The following VPS53 variants were observed in gnomAD, a reference collection of about 807,000 sequenced individuals.
VPS53 encodes the protein VPS53 subunit of GARP complex, also known as vacuolar protein sorting-associated protein 53 homolog.
A neutral mutation model predicts 107.0 loss-of-function variants in VPS53; 70 were observed. The observed-to-expected ratio is 0.65, with a 90% CI of 0.54 to 0.80. The LOEUF is 0.80. Ranked by LOEUF, VPS53 falls within the 30% of genes least tolerant of loss-of-function variation. VPS53 has a pLI of 0.00. For synonymous variants in VPS53, 409 were observed against 393.3 expected, an observed-to-expected ratio of 1.04 and a Z score of -0.47; for missense variants, 917 against 1,049.4, an observed-to-expected ratio of 0.87 and a Z score of 1.74.
rs71145747 is a variant in VPS53 at position 531,773 on chromosome 17, CTTTTTTTTTTTT to C, written c.2085+1057_2085+1068del. Among the ~76,000 whole-genome samples the C allele has an allele frequency of 5.8e-5, 5 of 86,676 alleles. 1 individual carries two copies. The highest frequency in any genetic ancestry group is 2.5e-4 in the African/African-American group (5 of 19,878). The allele number at this position is 86,676 out of a possible 152,430, so 56.9% of individuals were successfully genotyped here. A position where few individuals can be genotyped will look rare whatever the true frequency, so the allele number is the denominator to read the frequency against. On this transcript the variant is annotated intron_variant, in intron 19 of 21. Transcript: ENST00000437048. ...CAGCCTCCCATCACTGGGATTTATT[CTTTTTTTTTTTT>C]TTTTTTTTTGAGATGGAGTCTCACT... is the stretch of plus-strand genomic sequence containing the variant.
chr17:645,995 C>T (rs1278512659), intron 7 of VPS53, among the ~76,000 whole-genome samples: 2 of 134,528 alleles, frequency 1.5e-5, no homozygotes, highest in Non-Finnish European at 3.3e-5. Context: ...CTTATCTTTT[C>T]TAATCCATAT....
intron 17 of VPS53, chr17:537,421 C>T: frequency 2.3e-6 from 1 of 438,464 alleles, no homozygotes; most frequent in Non-Finnish European, 4.1e-6. Flanking sequence ...TGCCTTGTCC[C>T]CGACCTGCCT....
In VPS53 at chr17:520,802, C is replaced by T. The variant is rs552690217; in HGVS notation, c.2223+799G>A. Among the ~76,000 whole-genome samples the T allele has an allele frequency of 6.6e-6, 1 of 151,990 alleles. No individual in the cohort carries two copies. The highest frequency in any genetic ancestry group is 2.1e-4 in the South Asian group (1 of 4,800). ...TACATGAGCTCTTCACCCTCACCTACATGAGCTGCTTCACCCTCACCTACA... is the reference window on the plus strand; with the variant it reads ...TACATGAGCTCTTCACCCTCACCTATATGAGCTGCTTCACCCTCACCTACA... On this transcript the variant is annotated intron_variant, in intron 20 of 21. Coordinates refer to ENST00000437048, the MANE Select transcript of VPS53 (RefSeq NM_001128159.3). The surrounding 1 kb of genome is among the most constrained non-coding windows in gnomAD (Gnocchi z 4.4).
chr17:711,156 G>T (rs1973629256), intron 1 of VPS53, among the ~76,000 whole-genome samples: 1 of 152,152 alleles, frequency 6.6e-6, no homozygotes. Context: ...GTTGCAGTGA[G>T]CCGAGATTCT....
intron 12 of VPS53, among the ~76,000 whole-genome samples, chr17:593,414 C>T (rs1597354606): frequency 6.6e-6 from 1 of 152,216 alleles, no homozygotes; most frequent in South Asian, 2.1e-4. Context: ...ACTCATCTGA[C>T]AAAGGGCTAA....
At position 551,904 on chromosome 17, in the gene VPS53, C is replaced by T. The variant is rs780429152; in HGVS notation, c.1834G>A (p.Ala612Thr). ...IQLLVQDLDA[A>T]CDPALTAMSK... The stretch of plus-strand genomic sequence containing the variant: ...ATGGCAGTCAGGGCAGGATCACAGG[C>T]AGCATCCAGATCCTGAACCAGCAGC... The change falls in exon 17 of 22, where the codon GCC becomes ACC. Residue 612 changes from alanine to threonine, a missense_variant. Ala to Thr is a moderately conservative substitution (Grantham distance 58). Coordinates refer to ENST00000437048, the MANE Select transcript of VPS53 (RefSeq NM_001128159.3). 3.1e-6 allele frequency: 5 copies of T among 1,605,406 alleles called. No homozygotes were observed. The South Asian group carries it at 5.6e-5, about 18-fold the overall frequency.
chr17:551,841 G>C, intron 17 of VPS53, 31 bp downstream of exon 17: 1 of 1,552,734 alleles, frequency 6.4e-7, no homozygotes, highest in Non-Finnish European at 8.7e-7. Context: ...GCTCTCGTTA[G>C]TTTGTAGGAT....
intron 4 of VPS53, among the ~76,000 whole-genome samples, chr17:668,161 T>C (rs1241672242): frequency 6.6e-6 from 1 of 152,112 alleles, no homozygotes; most frequent in Non-Finnish European, 1.5e-5. Context: ...ATAGAGCCCA[T>C]AGCTGAGCCA....
chr17:616,794 G>A (rs574091134), intron 11 of VPS53, among the ~76,000 whole-genome samples: 2 of 152,344 alleles, frequency 1.3e-5, no homozygotes, highest in South Asian at 4.1e-4. Flanking sequence ...ACCCTGTTCA[G>A]CTGCCTCAGC....
Position 610,302 on chromosome 17 carries a change from T to C in VPS53, c.1117-8406A>G, listed in dbSNP as rs570055130. ...TCTATAGAATAAAATCTTTCTGTAG[T>C]AGTTGAGAAACAACTTAAGCTGTGA... On this transcript the variant is annotated intron_variant, in intron 11 of 21. Coordinates refer to ENST00000437048, the MANE Select transcript of VPS53 (RefSeq NM_001128159.3). Among the ~76,000 whole-genome samples the C allele has an allele frequency of 2.6e-5, 4 of 152,318 alleles. No individual in the cohort carries two copies. The South Asian group carries it at 6.2e-4, about 24-fold the overall frequency.
intron 11 of VPS53, among the ~76,000 whole-genome samples, chr17:615,194 G>A (rs1448632061): frequency 6.6e-6 from 1 of 152,190 alleles, no homozygotes. Context: ...AGGCAACTGG[G>A]AAAAGCACAG....
chr17:713,725 T>C (rs187480905), intron 1 of VPS53, among the ~76,000 whole-genome samples: 30 of 150,752 alleles, frequency 2.0e-4, no homozygotes, highest in African/African-American at 7.3e-4. Flanking sequence ...AAAAACTCAA[T>C]AAACTTGCAA....
intron 17 of VPS53, among the ~76,000 whole-genome samples, chr17:540,882 T>G (rs1255896485): frequency 6.6e-6 from 1 of 152,050 alleles, no homozygotes; most frequent in Non-Finnish European, 1.5e-5. Flanking sequence ...CGCTCCACAG[T>G]GGGGCTGGGG....
chr17:614,319 T>C (rs1445002252), intron 11 of VPS53, among the ~76,000 whole-genome samples: 1 of 152,130 alleles, frequency 6.6e-6, no homozygotes, highest in Non-Finnish European at 1.5e-5. Flanking sequence ...GAAAACTGTA[T>C]TTAAAAAAAT....
intron 13 of VPS53, among the ~76,000 whole-genome samples, chr17:566,874 G>A (rs1713043511): frequency 6.6e-6 from 1 of 151,984 alleles, no homozygotes; most frequent in South Asian, 2.1e-4. Context: ...TTCCTGAGTA[G>A]CTGGGACTAC....
chr17:541,777 G>A (rs1279621256), intron 17 of VPS53, among the ~76,000 whole-genome samples: 3 of 82,252 alleles, frequency 3.6e-5, no homozygotes, highest in African/African-American at 2.1e-4. Flanking sequence ...CACGCACCGG[G>A]CGCTGAAGGA....
intron 13 of VPS53, 68 bp downstream of exon 13, chr17:586,202 C>G (rs1967303744): frequency 6.8e-7 from 1 of 1,480,168 alleles, no homozygotes; most frequent in Admixed American, 1.7e-5. Flanking sequence ...GCTGTGCGCT[C>G]CTAAGACCCA....
At chr17:643,501 C>T (rs1186587629) in intron 7 of VPS53, among the ~76,000 whole-genome samples, 1 of 148,680 alleles carries the variant, frequency 6.7e-6, no homozygotes, top group Non-Finnish European at 1.5e-5. Flanking sequence ...AAATCAAGGA[C>T]AACACTCATA....
chr17:627,313 C>A lies in VPS53; in HGVS notation c.835G>T (p.Ala279Ser), dbSNP rs765062239. ...CGTCTGTCGATTTTGTCCAGCCAGG[C>A]AACCTGGTGAAGGTGGAGATCAAAA... ...LVLFQENQDV[A>S]WLDKIDRRYA... is the part of the protein sequence containing the mutation. The change falls in exon 10 of 22, where the codon GCC becomes TCC. Residue 279 changes from alanine to serine, a missense_variant. Physicochemically the swap from Ala to Ser is moderately conservative, Grantham distance 99 (BLOSUM62 1). Coordinates refer to ENST00000437048, the MANE Select transcript of VPS53 (RefSeq NM_001128159.3). 6.2e-6 allele frequency: 10 copies of A among 1,612,896 alleles called. No homozygotes were observed. In the East Asian group the frequency reaches 2.2e-4, roughly 36 times the overall value.
Sources: gnomAD v4.1 joint callset for allele counts (sites outside exome capture counted in the v4.1 genomes callset) on GRCh38, gnomAD v4.1.1 for gene constraint, Gnocchi (gnomAD v3.1) non-coding constraint, MANE v1.5 for transcripts, NCBI Gene and HGNC (gene_info 2026-07-23, HGNC 2026-07-21) for gene names.